The following TCF15 variants were observed in gnomAD, a reference collection of about 807,000 sequenced individuals.
TCF15 encodes the protein TCF-15.
In TCF15, 7 loss-of-function variants were observed where a neutral mutation model predicts 11.1. The ratio of observed to expected loss-of-function variants is 0.63; its 90% confidence interval spans 0.36 to 1.19. TCF15 has a LOEUF of 1.19. Ranked by LOEUF, TCF15 falls within the 50% of genes most tolerant of loss-of-function variation. The probability of loss-of-function intolerance (pLI) is 0.02; values close to 1 mark genes in which losing one functional copy is unlikely to be tolerated. For synonymous variants in TCF15, 144 were observed against 138.9 expected, an observed-to-expected ratio of 1.04 and a Z score of -0.26; for missense variants, 288 against 289.4, an observed-to-expected ratio of 1.00 and a Z score of 0.03.
chr20:604,384 C>T lies in TCF15; in HGVS notation c.*207G>A. On this transcript the variant is annotated 3_prime_UTR_variant, in exon 2 of 2. Coordinates refer to ENST00000246080, the MANE Select transcript of TCF15 (RefSeq NM_004609.4). The surrounding 1 kb of genome is among the most constrained non-coding windows in gnomAD (Gnocchi z 4.2). ...TTTTTCCAAAAGTTCTGCCTTGTCT[C>T]TGACCAGCCAGAGCTGGGCAGGCTG... The T allele has an allele frequency of 4.9e-6, 3 of 611,004 alleles. No homozygotes were observed. Among genetic ancestry groups the T allele is most frequent in the South Asian group, 3.9e-5 (2 of 50,950 alleles). 37.8% of individuals were successfully genotyped at this position (611,004 alleles called of 1,614,324 possible).
intron 1 of TCF15, among the ~76,000 whole-genome samples, chr20:605,399 C>G (rs187480678): frequency 1.3e-5 from 2 of 152,320 alleles, no homozygotes; most frequent in East Asian, 3.9e-4. Flanking sequence ...CAGGAATGTG[C>G]TCTCAGGTCT....
At chr20:605,216 G>A (rs958969159) in intron 1 of TCF15, among the ~76,000 whole-genome samples, 3 of 151,964 alleles carry the variant, frequency 2.0e-5, no homozygotes, top group Non-Finnish European at 2.9e-5. Flanking sequence ...ATGATCTGTT[G>A]CTTAAAAAAA....
rs1308734980 is a variant in TCF15, at chr20:609,081, C to T, written c.525+632G>A. Among the ~76,000 whole-genome samples, 1 of 152,146 alleles carries T rather than the reference C, an allele frequency of 6.6e-6. No individual in the cohort carries two copies. The highest frequency in any genetic ancestry group is 1.5e-5 in the Non-Finnish European group (1 of 68,010). On this transcript the variant is annotated intron_variant, in intron 1 of 1. Coordinates refer to ENST00000246080, the MANE Select transcript of TCF15 (RefSeq NM_004609.4). The surrounding 1 kb of genome is among the most constrained non-coding windows in gnomAD (Gnocchi z 4.7). ...GGACTCTCAGAGGGCCCCTTCTTCA[C>T]TCCTACTGCTCATCCGCTGGGTACC...
rs530707665 is a variant in TCF15, at chr20:609,836, G to T, written c.402C>A (p.Ala134=). 7 of 1,522,264 alleles carry T rather than the reference G, an allele frequency of 4.6e-6. No homozygotes were observed. In the African/African-American group the frequency reaches 7.1e-5, roughly 16 times the overall value. 94.3% of individuals were successfully genotyped at this position (1,522,264 alleles called of 1,614,324 possible). A position where few individuals can be genotyped will look rare whatever the true frequency, so the allele number is the denominator to read the frequency against. Reference sequence around the variant, plus strand: ...CACGGAAGCACGGCTGCCCGTCGTCGGCCGAGTCGCCCAGCAGCAGCACGT... The same window carrying T: ...CACGGAAGCACGGCTGCCCGTCGTCTGCCGAGTCGCCCAGCAGCAGCACGT... ...LANVLLLGDS[A]DDGQPCFRAA... The change falls in exon 1 of 2, where the codon GCC becomes GCA. Residue 134 remains alanine, a synonymous_variant. Coordinates refer to ENST00000246080, the MANE Select transcript of TCF15 (RefSeq NM_004609.4). The surrounding 1 kb of genome is among the most constrained non-coding windows in gnomAD (Gnocchi z 4.7).
At position 604,685 on chromosome 20, in the gene TCF15, G is replaced by A. The variant is rs369154823; in HGVS notation, c.526-20C>T. On this transcript the variant is annotated intron_variant, in intron 1 of 1. Transcript: ENST00000246080. The surrounding 1 kb of genome is among the most constrained non-coding windows in gnomAD (Gnocchi z 4.2). Reference sequence around the variant, plus strand: ...GCCACCCTGCAGAGGGGGAGAAAGAGTATAAAGAGGTTCGATTAGGCCAGT... The same window carrying A: ...GCCACCCTGCAGAGGGGGAGAAAGAATATAAAGAGGTTCGATTAGGCCAGT... The A allele has an allele frequency of 1.4e-5, 21 of 1,542,730 alleles. No individual in the cohort carries two copies. Among genetic ancestry groups the A allele is most frequent in the Non-Finnish European group, 1.8e-5 (21 of 1,142,606 alleles).
intron 1 of TCF15, among the ~76,000 whole-genome samples, chr20:606,558 G>C (rs897642914): frequency 6.6e-6 from 1 of 152,190 alleles, no homozygotes; most frequent in Admixed American, 6.5e-5. Flanking sequence ...GCTTATGCCT[G>C]TAATCCCAGC....
chr20:608,470 T>A (rs2019994666), intron 1 of TCF15, among the ~76,000 whole-genome samples: 1 of 152,208 alleles, frequency 6.6e-6, no homozygotes, highest in African/African-American at 2.4e-5. Context: ...CCTGGGGCAC[T>A]GACAGGGGCC....
rs767264411 is a variant in TCF15, at chr20:609,720, C to A, written c.518G>T (p.Arg173Leu). 2 of 1,384,606 alleles carry A rather than the reference C, an allele frequency of 1.4e-6. No homozygotes were observed. The highest frequency in any genetic ancestry group is 3.9e-5 in the Admixed American group (1 of 25,672). 85.8% of individuals were successfully genotyped at this position (1,384,606 alleles called of 1,614,324 possible). The change falls in exon 1 of 2, where the codon CGC becomes CTC. Residue 173 changes from arginine (R) to leucine (L), a missense_variant. Transcript: ENST00000246080. The surrounding 1 kb of genome is among the most constrained non-coding windows in gnomAD (Gnocchi z 4.7). ...SICTFCLSNQRKGGGRRDLGG... is the reference protein window; with the variant it reads ...SICTFCLSNQLKGGGRRDLGG... ...GGGACGCAGCACACTCACCCCCTTG[C>A]GCTGGTTGCTGAGGCAGAAGGTGCA...
At chr20:606,169 G>C (rs1274664977) in intron 1 of TCF15, among the ~76,000 whole-genome samples, 1 of 152,172 alleles carries the variant, frequency 6.6e-6, no homozygotes, top group Non-Finnish European at 1.5e-5. Flanking sequence ...GCTATTTTGA[G>C]GGCTGAGGCC....
At chr20:607,015 C>G (rs941667886) in intron 1 of TCF15, among the ~76,000 whole-genome samples, 1 of 152,140 alleles carries the variant, frequency 6.6e-6, no homozygotes. Context: ...CTCAGTTTCC[C>G]CCCCGTAAAG....
At chr20:608,296 C>A (rs1333433381) in intron 1 of TCF15, among the ~76,000 whole-genome samples, 1 of 152,174 alleles carries the variant, frequency 6.6e-6, no homozygotes, top group African/African-American at 2.4e-5. Flanking sequence ...CTACAACCTG[C>A]TTCTCTGGGG....
chr20:604,804 G>A lies in TCF15; in HGVS notation c.526-139C>T. 2 of 731,466 alleles carry A rather than the reference G, an allele frequency of 2.7e-6. No individual in the cohort carries two copies. The highest frequency in any genetic ancestry group is 5.7e-5 in the East Asian group (2 of 35,364). 45.3% of individuals were successfully genotyped at this position (731,466 alleles called of 1,614,324 possible). On this transcript the variant is annotated intron_variant, in intron 1 of 1. Coordinates refer to ENST00000246080, the MANE Select transcript of TCF15 (RefSeq NM_004609.4). This position sits in a 1 kb window ranked among gnomAD's most constrained non-coding sequence, Gnocchi z 4.2. Reference sequence around the variant, plus strand: ...ACGATCAAGTTCTCTGCAACAGAAAGCAGAAGAAACCCTTTCTGGACTGAT... The same window carrying A: ...ACGATCAAGTTCTCTGCAACAGAAAACAGAAGAAACCCTTTCTGGACTGAT...
At position 607,352 on chromosome 20, in the gene TCF15, C is replaced by T. The variant is rs6053340; in HGVS notation, c.525+2361G>A. 3.8e-3 allele frequency among the ~76,000 whole-genome samples: 581 copies of T among 152,298 alleles called. 7 individuals carry two copies. The highest frequency in any genetic ancestry group is 0.013 in the African/African-American group (551 of 41,564). On this transcript the variant is annotated intron_variant, in intron 1 of 1. Transcript: ENST00000246080. ...AAGATGCTACAGGAAACTGTTTCCA[C>T]GGCAACCCCAACTCCAGACTGGCCA...
At chr20:605,782 G>A (rs879684664) in intron 1 of TCF15, among the ~76,000 whole-genome samples, 4 of 152,188 alleles carry the variant, frequency 2.6e-5, no homozygotes, top group Admixed American at 6.5e-5. Context: ...CATCCTCACC[G>A]TAAGCCAGAG....
intron 1 of TCF15, among the ~76,000 whole-genome samples, chr20:608,216 C>G (rs980255648): frequency 6.6e-6 from 1 of 152,208 alleles, no homozygotes; most frequent in African/African-American, 2.4e-5. Context: ...CCACAGCATC[C>G]TCATCTTCAT....
At position 604,641 on chromosome 20, in the gene TCF15, T is replaced by G; in HGVS notation, c.550A>C (p.Ser184Arg). Reference protein sequence around the residue: ...KGGGRRDLGGSCLKVRGVAPL... With the variant: ...KGGGRRDLGGRCLKVRGVAPL... ...GCCACCCCCCTCACCTTCAAGCAGC[T>G]GCCCCCCAGGTCACGACGGCCACCC... The change falls in exon 2 of 2, where the codon AGC becomes CGC. Residue 184 changes from serine to arginine, a missense_variant. Ser to Arg is a moderately radical substitution (Grantham distance 110). Coordinates refer to ENST00000246080, the MANE Select transcript of TCF15 (RefSeq NM_004609.4). This position sits in a 1 kb window ranked among gnomAD's most constrained non-coding sequence, Gnocchi z 4.2. 6.4e-7 allele frequency: 1 copy of G among 1,553,944 alleles called. No homozygotes were observed. The highest frequency in any genetic ancestry group is 8.7e-7 in the Non-Finnish European group (1 of 1,148,166).
chr20:609,742 TGCAGATGGA>T lies in TCF15; in HGVS notation c.487_495del (p.Ser163_Cys165del). Reference sequence around the variant, plus strand: ...TTGCGCTGGTTGCTGAGGCAGAAGGTGCAGATGGAGCGCGGCTGGCGGCCGCCGTCGGCG... The same window carrying T: ...TTGCGCTGGTTGCTGAGGCAGAAGGTGCGCGGCTGGCGGCCGCCGTCGGCG... On this transcript the variant is annotated inframe_deletion, in exon 1 of 2. Coordinates refer to ENST00000246080, the MANE Select transcript of TCF15 (RefSeq NM_004609.4). The surrounding 1 kb of genome is among the most constrained non-coding windows in gnomAD (Gnocchi z 4.7). 7.1e-7 allele frequency: 1 copy of T among 1,405,876 alleles called. No homozygotes were observed. Among genetic ancestry groups the T allele is most frequent in the Non-Finnish European group, 9.2e-7 (1 of 1,092,358 alleles). 87.1% of individuals were successfully genotyped at this position (1,405,876 alleles called of 1,614,324 possible).
rs1387028202 is a variant in TCF15 at position 604,815 on chromosome 20, C to T, written c.526-150G>A. On this transcript the variant is annotated intron_variant, in intron 1 of 1. Coordinates refer to ENST00000246080, the MANE Select transcript of TCF15 (RefSeq NM_004609.4). This position sits in a 1 kb window ranked among gnomAD's most constrained non-coding sequence, Gnocchi z 4.2. ...CTCTGCAACAGAAAGCAGAAGAAAC[C>T]CTTTCTGGACTGATACAGACTGCTG... 12 of 684,680 alleles carry T rather than the reference C, an allele frequency of 1.8e-5. No homozygotes were observed. The East Asian group carries it at 2.6e-4, about 15-fold the overall frequency. 42.4% of individuals were successfully genotyped at this position (684,680 alleles called of 1,614,324 possible).
In TCF15 at chr20:604,429, C is replaced by T; in HGVS notation, c.*162G>A. On this transcript the variant is annotated 3_prime_UTR_variant, in exon 2 of 2. Transcript: ENST00000246080. This position sits in a 1 kb window ranked among gnomAD's most constrained non-coding sequence, Gnocchi z 4.2. ...AGGCTGAATGGATCCTCACAGCTCT[C>T]CAGGATCGGGTGGAGATGTCCCGAG... 2.9e-6 allele frequency: 2 copies of T among 682,680 alleles called. No individual in the cohort carries two copies. Among genetic ancestry groups the T allele is most frequent in the South Asian group, 1.7e-5 (1 of 57,234 alleles). The allele number at this position is 682,680 out of a possible 1,614,324, so 42.3% of individuals were successfully genotyped here. A position where few individuals can be genotyped will look rare whatever the true frequency, so the allele number is the denominator to read the frequency against.
Sources: gnomAD v4.1 joint callset for allele counts (sites outside exome capture counted in the v4.1 genomes callset) on GRCh38, gnomAD v4.1.1 for gene constraint, Gnocchi (gnomAD v3.1) non-coding constraint, MANE v1.5 for transcripts, NCBI Gene and HGNC (gene_info 2026-07-23, HGNC 2026-07-21) for gene names.